Variants in CAST observed in about 807,000 individuals in gnomAD.
The protein encoded by CAST is MIR583 host.
A neutral mutation model predicts 119.6 loss-of-function variants in CAST; 76 were observed. That is an observed-to-expected ratio of 0.64 (90% CI 0.53 to 0.77). The LOEUF is 0.77. CAST is among the 30% of genes least tolerant of loss of function. CAST has a pLI of 0.00. For missense variants in CAST, 953 were observed against 946.5 expected (o/e 1.01, Z -0.09); for synonymous variants, 319 against 331.6 (o/e 0.96, Z 0.41).
the CAST span, among the ~76,000 whole-genome samples, chr5:96,045,961 T>C: frequency 6.6e-6 from 1 of 152,078 alleles, no homozygotes; most frequent in Admixed American, 6.6e-5. Flanking sequence ...GACAGGGAAG[T>C]TTCCTCCCCG....
intron 1 of CAST, among the ~76,000 whole-genome samples, chr5:96,541,336 A>T (rs565649005): frequency 0.12 from 3,396 of 28,026 alleles, 138 homozygotes; most frequent in African/African-American, 0.25. Context: ...CATTTTTTTA[A>T]AAAAAAAAAT....
chr5:96,611,734 A>G (rs1291436612), intron 1 of CAST, among the ~76,000 whole-genome samples: 3 of 152,142 alleles, frequency 2.0e-5, no homozygotes, highest in African/African-American at 7.2e-5. Flanking sequence ...TTCAGAATCT[A>G]TACTTAACTT....
chr5:96,427,087 G>T, the CAST span, among the ~76,000 whole-genome samples: 4 of 152,274 alleles, frequency 2.6e-5, no homozygotes, highest in East Asian at 3.9e-4. Flanking sequence ...GAGGTAGAGG[G>T]TCACTTACAC....
intron 30 of CAST, among the ~76,000 whole-genome samples, chr5:96,770,827 C>T (rs999870563): frequency 2.6e-5 from 4 of 152,012 alleles, no homozygotes; most frequent in African/African-American, 9.7e-5. Context: ...TTGACACAAC[C>T]CAATTTGCCT....
chr5:96,632,671 C>A (rs879657941), intron 1 of CAST, among the ~76,000 whole-genome samples: 46,472 of 151,812 alleles, frequency 0.31, 7,149 homozygotes, highest in African/African-American at 0.33. Flanking sequence ...GGTCTCAGCG[C>A]TATTTGTCGA....
chr5:96,728,498 A>G (rs1469185329), intron 6 of CAST: 1 of 149,330 alleles, frequency 6.7e-6, no homozygotes, highest in African/African-American at 2.5e-5. Context: ...TGCTTTTGAG[A>G]CGGAGTCTCG....
At chr5:96,391,765 G>A in the CAST span, 1 of 152,072 alleles carries the variant, frequency 6.6e-6, no homozygotes, top group Non-Finnish European at 1.5e-5. Context: ...AGCAAAGATG[G>A]GTCCGAGAAT....
At chr5:96,662,895 T>G (rs1748755931) in intron 1 of CAST, 1 of 572,636 alleles carries the variant, frequency 1.7e-6, no homozygotes, top group South Asian at 2.1e-5. Context: ...CGTGGCTGCC[T>G]GGAGACGCAG....
chr5:96,617,721 G>A (rs1459830150), intron 1 of CAST, among the ~76,000 whole-genome samples: 1 of 144,562 alleles, frequency 6.9e-6, no homozygotes, highest in African/African-American at 2.5e-5. Context: ...GAACCCGGGA[G>A]GCGGAGCTTG....
At chr5:96,281,639 G>A in the CAST span, among the ~76,000 whole-genome samples, 3 of 151,928 alleles carry the variant, frequency 2.0e-5, no homozygotes, top group South Asian at 4.2e-4. Flanking sequence ...ATGGAGCTCC[G>A]GCCATGATGT....
chr5:96,619,788 G>C (rs1035881479), intron 1 of CAST, among the ~76,000 whole-genome samples: 1 of 151,060 alleles, frequency 6.6e-6, no homozygotes, highest in Non-Finnish European at 1.5e-5. Context: ...CCTGAAGTCA[G>C]CCATACCAAG....
At chr5:96,703,704 A>G (rs1754354919) in intron 3 of CAST, among the ~76,000 whole-genome samples, 1 of 152,098 alleles carries the variant, frequency 6.6e-6, no homozygotes, top group South Asian at 2.1e-4. Context: ...CTAGTTTTCT[A>G]GGAAACCACC....
At chr5:96,723,727 G>A (rs1343906410) in intron 4 of CAST, among the ~76,000 whole-genome samples, 1 of 152,232 alleles carries the variant, frequency 6.6e-6, no homozygotes, top group Non-Finnish European at 1.5e-5. Flanking sequence ...GGGAATTAAA[G>A]AGGGAGCATT....
the CAST span, among the ~76,000 whole-genome samples, chr5:96,277,062 T>C: frequency 6.6e-6 from 1 of 152,230 alleles, no homozygotes; most frequent in Non-Finnish European, 1.5e-5. Flanking sequence ...ATAAATAAAC[T>C]ACCATTTATT....
At chr5:96,591,850 A>G (rs978167705) in intron 1 of CAST, among the ~76,000 whole-genome samples, 1 of 152,222 alleles carries the variant, frequency 6.6e-6, no homozygotes, top group Non-Finnish European at 1.5e-5. Flanking sequence ...CCAAAGACTG[A>G]ACTTTGGAAA....
chr5:96,756,517 C>G lies in CAST; in HGVS notation c.1711-927C>G, dbSNP rs151000555. Among the ~76,000 whole-genome samples, 228 of 152,272 alleles carry G rather than the reference C, an allele frequency of 1.5e-3. 1 individual carries two copies. The highest frequency in any genetic ancestry group is 4.8e-3 in the African/African-American group (201 of 41,548). Reference sequence around the variant, plus strand: ...GAATATTTGCCTCGTATCTGTTGAGCAGCCCTAGTCTGAAAATCCAAAATG... The same window carrying G: ...GAATATTTGCCTCGTATCTGTTGAGGAGCCCTAGTCTGAAAATCCAAAATG... On this transcript the variant is annotated intron_variant, in intron 22 of 31. Transcript: ENST00000675179.
the CAST span, among the ~76,000 whole-genome samples, chr5:96,118,860 G>C: frequency 6.7e-6 from 1 of 150,308 alleles, no homozygotes; most frequent in East Asian, 1.9e-4. Context: ...TTGCTTAAGT[G>C]ACTCTTTTAG....
At chr5:96,567,322 C>T (rs1188163786) in intron 1 of CAST, among the ~76,000 whole-genome samples, 2 of 152,268 alleles carry the variant, frequency 1.3e-5, no homozygotes, top group South Asian at 2.1e-4. Context: ...TGATTTATAA[C>T]GCGCCCAACA....
chr5:96,148,908 G>A, the CAST span, among the ~76,000 whole-genome samples: 1 of 152,330 alleles, frequency 6.6e-6, no homozygotes, highest in East Asian at 1.9e-4. Flanking sequence ...TAAGAGCCTA[G>A]TGTCTTTACT....
Sources: gnomAD v4.1 joint callset for allele counts (sites outside exome capture counted in the v4.1 genomes callset) on GRCh38, gnomAD v4.1.1 for gene constraint, MANE v1.5 for transcripts, NCBI Gene and HGNC (gene_info 2026-07-23, HGNC 2026-07-21) for gene names.